The following TCEA3 variants were observed in gnomAD, a reference collection of about 807,000 sequenced individuals.
TCEA3 encodes transcription elongation factor A3.
In TCEA3, 36 loss-of-function variants were observed where a neutral mutation model predicts 44.0. That is an observed-to-expected ratio of 0.82 (90% CI 0.63 to 1.08). The LOEUF (loss-of-function observed/expected upper bound fraction) is 1.08, where lower values mean the gene tolerates loss of function less well. Ranked by LOEUF, TCEA3 falls within the 50% of genes least tolerant of loss-of-function variation. The probability of loss-of-function intolerance (pLI) is 0.00; values close to 1 mark genes in which losing one functional copy is unlikely to be tolerated. For synonymous variants in TCEA3, 162 were observed against 159.7 expected (o/e 1.01, Z -0.11); for missense variants, 392 against 441.2 (o/e 0.89, Z 1.00).
At chr1:23,393,406 C>A (rs1479747724) in intron 8 of TCEA3, among the ~76,000 whole-genome samples, 1 of 151,972 alleles carries the variant, frequency 6.6e-6, no homozygotes, top group Non-Finnish European at 1.5e-5. Context: ...TCCACATATA[C>A]ACACCACACA....
At chr1:23,414,018 T>G (rs926827222) in intron 4 of TCEA3, among the ~76,000 whole-genome samples, 22 of 145,300 alleles carry the variant, frequency 1.5e-4, no homozygotes, top group Middle Eastern at 3.4e-3. Context: ...ATAAATTTTA[T>G]ATGTATATAT....
At chr1:23,394,864 C>T (rs1397694706) in intron 7 of TCEA3, among the ~76,000 whole-genome samples, 4 of 152,340 alleles carry the variant, frequency 2.6e-5, no homozygotes, top group African/African-American at 9.6e-5. Flanking sequence ...GGAAGTCATC[C>T]CTGGCCACCA....
In TCEA3 at chr1:23,395,442, C is replaced by T. The variant is rs575537595; in HGVS notation, c.665-1409G>A. Reference sequence around the variant, plus strand: ...TATTTTAGGACATAGAGCAGTCAAGCCCCCAAATGTACCCTCCCCCTGACC... The same window carrying T: ...TATTTTAGGACATAGAGCAGTCAAGTCCCCAAATGTACCCTCCCCCTGACC... On this transcript the variant is annotated intron_variant, in intron 7 of 10. Coordinates refer to ENST00000450454, the MANE Select transcript of TCEA3 (RefSeq NM_003196.3). Among the ~76,000 whole-genome samples, 8 of 152,350 alleles carry T rather than the reference C, an allele frequency of 5.3e-5. No individual in the cohort carries two copies. In the South Asian group the frequency reaches 1.7e-3, roughly 32 times the overall value.
chr1:23,383,959 G>A, intron 10 of TCEA3: 1 of 1,053,228 alleles, frequency 9.5e-7, no homozygotes, highest in Non-Finnish European at 1.1e-6. Flanking sequence ...ATCCTTGGCT[G>A]TGGCCAGGTT....
intron 8 of TCEA3, among the ~76,000 whole-genome samples, chr1:23,388,705 A>T (rs1406067285): frequency 6.6e-6 from 1 of 151,934 alleles, no homozygotes; most frequent in Non-Finnish European, 1.5e-5. Flanking sequence ...TTTTTGGGAC[A>T]GGATCTTGCT....
At chr1:23,419,529 CT>C in intron 1 of TCEA3, 1 of 170,610 alleles carries the variant, frequency 5.9e-6, no homozygotes, top group Non-Finnish European at 1.2e-5. Context: ...GACTGGGAGC[CT>C]TTTAAAAAAC....
chr1:23,424,434 G>T (rs1317779640), intron 1 of TCEA3, 131 bp downstream of exon 1: 2 of 764,104 alleles, frequency 2.6e-6, no homozygotes, highest in East Asian at 2.7e-5. Context: ...TGCACCAGCC[G>T]CTCCTCCCTC....
At chr1:23,399,164 A>ATATATATATG (rs1553167324) in intron 5 of TCEA3, among the ~76,000 whole-genome samples, 2 of 127,588 alleles carry the variant, frequency 1.6e-5, no homozygotes, top group Non-Finnish European at 3.2e-5. Flanking sequence ...ATATATATAT[A>ATATATATATG]TATATATATA....
chr1:23,417,132 T>C, intron 4 of TCEA3, 117 bp downstream of exon 4: 1 of 1,313,186 alleles, frequency 7.6e-7, no homozygotes, highest in Non-Finnish European at 1.0e-6. Context: ...CTGCAGGAGA[T>C]AATACCAATA....
intron 4 of TCEA3, among the ~76,000 whole-genome samples, chr1:23,413,986 G>GTGTATA (rs1553168868): frequency 9.2e-5 from 13 of 141,030 alleles, no homozygotes; most frequent in South Asian, 4.5e-4. Context: ...CTAGCAGGAT[G>GTGTATA]TATATATATA....
chr1:23,383,345 A>C (rs1052119398), intron 10 of TCEA3: 1 of 881,300 alleles, frequency 1.1e-6, no homozygotes, highest in African/African-American at 1.8e-5. Context: ...TCAGTGCTCC[A>C]AACTGTGGCT....
In TCEA3 at chr1:23,419,100, G is replaced by T; in HGVS notation, c.109C>A (p.Gln37Lys). Residue 37 changes from glutamine to lysine, a missense_variant, in exon 2 of 11, where the codon CAG (glutamine) becomes AAG (lysine). Gln to Lys is a moderately conservative substitution (Grantham distance 53, BLOSUM62 1). Transcript: ENST00000450454. ...LDLLKKLHSC[Q>K]MSIQLLQTTR... The stretch of plus-strand genomic sequence containing the variant: ...ACCTGTAGTAGCTGGATGGACATCT[G>T]GCAGCTGTGCAGCTTCTTCAGAAGG... The T allele has an allele frequency of 6.3e-7, 1 of 1,578,682 alleles. No individual in the cohort carries two copies. The highest frequency in any genetic ancestry group is 8.6e-7 in the Non-Finnish European group (1 of 1,165,218).
chr1:23,407,068 C>T (rs1639564962), intron 5 of TCEA3, among the ~76,000 whole-genome samples: 1 of 152,200 alleles, frequency 6.6e-6, no homozygotes, highest in African/African-American at 2.4e-5. Context: ...GGATTTTCCA[C>T]CCCAAGCCTG....
intron 9 of TCEA3, 91 bp downstream of exon 9, chr1:23,387,182 C>T (rs1638870704): frequency 8.6e-6 from 13 of 1,506,446 alleles, no homozygotes; most frequent in Admixed American, 2.0e-5. Flanking sequence ...GCTTTCTCCC[C>T]TCTGGCTCTT....
chr1:23,384,175 C>T (rs1570216519), intron 10 of TCEA3, 171 bp downstream of exon 10: 1 of 1,457,292 alleles, frequency 6.9e-7, no homozygotes, highest in African/African-American at 1.4e-5. Context: ...GTGTTCTCTC[C>T]CCACCTCCCC....
intron 8 of TCEA3, among the ~76,000 whole-genome samples, chr1:23,393,074 G>A (rs1410682928): frequency 6.6e-6 from 1 of 152,010 alleles, no homozygotes; most frequent in African/African-American, 2.4e-5. Flanking sequence ...GGGAGACAGT[G>A]ACAGATCATC....
chr1:23,405,746 C>G (rs1435896018), intron 5 of TCEA3, among the ~76,000 whole-genome samples: 1 of 152,144 alleles, frequency 6.6e-6, no homozygotes, highest in Non-Finnish European at 1.5e-5. Context: ...GGGAGGGAGC[C>G]AGGAGATTTC....
chr1:23,393,938 G>T lies in TCEA3; in HGVS notation c.760C>A (p.Arg254=), dbSNP rs551455715. ...ATGGCCCCACTGAGCACGTTCCGCC[G>T]CAGGCCGGGGTTCCTGGGGTCCTTG... The part of the protein sequence containing the change: ...NLKDPRNPGL[R]RNVLSGAISA... Residue 254 remains arginine (R), a synonymous_variant, in exon 8 of 11, where the codon CGG becomes AGG. Transcript: ENST00000450454. The T allele has an allele frequency of 1.9e-6, 3 of 1,613,840 alleles. No homozygotes were observed. The highest frequency in any genetic ancestry group is 2.7e-5 in the African/African-American group (2 of 74,950).
At chr1:23,397,309 C>CCTA (rs1639244868) in intron 7 of TCEA3, among the ~76,000 whole-genome samples, 1 of 152,162 alleles carries the variant, frequency 6.6e-6, no homozygotes, top group Admixed American at 6.5e-5. Context: ...AATCAGGGAA[C>CCTA]CTACTGTGGG....
Sources: allele counts gnomAD v4.1 joint callset (sites outside exome capture counted in the v4.1 genomes callset), GRCh38; gene constraint gnomAD v4.1.1; transcripts MANE v1.5; gene names NCBI Gene and HGNC (gene_info 2026-07-23, HGNC 2026-07-21).